Variants in UGT1A7 observed in about 807,000 individuals in gnomAD.
UGT1A7 encodes the protein UDP-glucuronosyltransferase 1A7.
Under a neutral mutation model 45.6 loss-of-function variants are expected in UGT1A7, and 33 were observed. That is an observed-to-expected ratio of 0.72 (90% CI 0.55 to 0.97). UGT1A7 has a LOEUF of 0.97. Among genes scored for constraint, UGT1A7 ranks in the 50% least tolerant of loss-of-function variants. The probability of loss-of-function intolerance (pLI) is 0.00; values close to 1 mark genes in which losing one functional copy is unlikely to be tolerated. For missense variants in UGT1A7, 684 were observed against 666.2 expected (o/e 1.03, Z -0.29); for synonymous variants, 274 against 250.6 (o/e 1.09, Z -0.88).
At chr2:233,727,258 C>T (rs899860562) in intron 1 of UGT1A7, among the ~76,000 whole-genome samples, 1 of 152,158 alleles carries the variant, frequency 6.6e-6, no homozygotes, top group African/African-American at 2.4e-5. Flanking sequence ...GCAGCCCAGA[C>T]CCCTCCTCAT....
chr2:233,733,332 C>T (rs1191516826), intron 1 of UGT1A7, among the ~76,000 whole-genome samples: 5 of 152,198 alleles, frequency 3.3e-5, no homozygotes, highest in East Asian at 1.9e-4. Context: ...CTGGCCAGAA[C>T]TTCCAACAGT....
chr2:233,719,636 C>G (rs1397748790), intron 1 of UGT1A7: 2 of 1,614,094 alleles, frequency 1.2e-6, no homozygotes, highest in Non-Finnish European at 1.7e-6. Context: ...TCATGCCCAA[C>G]ATGGTCTTCA....
At chr2:233,754,989 C>T (rs749655557) in intron 1 of UGT1A7, 7 of 1,296,678 alleles carry the variant, frequency 5.4e-6, no homozygotes, top group Admixed American at 1.9e-5. Context: ...GGCGGGGTCA[C>T]GGAAGCTGAA....
intron 1 of UGT1A7, among the ~76,000 whole-genome samples, chr2:233,737,953 A>C (rs1429614905): frequency 6.6e-6 from 1 of 152,112 alleles, no homozygotes; most frequent in East Asian, 1.9e-4. Context: ...GTTTCCCAAC[A>C]TGAGGTCACA....
chr2:233,769,603 GA>G lies in UGT1A7; in HGVS notation c.1295+1165del. 1 of 1,612,818 alleles carries G rather than the reference GA, an allele frequency of 6.2e-7. No individual in the cohort carries two copies. The highest frequency in any genetic ancestry group is 1.1e-5 in the South Asian group (1 of 91,040). On this transcript the variant is annotated intron_variant, in intron 4 of 4. Transcript: ENST00000373426. This position sits in a 1 kb window ranked among gnomAD's most constrained non-coding sequence, Gnocchi z 4.4. ...CAGATGAGAGGAGACGGAACACGGG[GA>G]CACACCAGCTTGAGCAAGGGACAAC...
chr2:233,702,766 T>C (rs898157603), intron 1 of UGT1A7, among the ~76,000 whole-genome samples: 6 of 152,248 alleles, frequency 3.9e-5, no homozygotes, highest in East Asian at 1.9e-4. Context: ...TATGTGTTAA[T>C]TGATTTGCAG....
Position 233,765,258 on chromosome 2 carries a change from A to G in UGT1A7, c.856-1776A>G, listed in dbSNP as rs28900400. On this transcript the variant is annotated intron_variant, in intron 1 of 4. Coordinates refer to ENST00000373426, the MANE Select transcript of UGT1A7 (RefSeq NM_019077.3). ...AGACTCAGTAATCCCATTACTGGGT[A>G]TATACCCAAAGAAATATAAATTATT... Among the ~76,000 whole-genome samples, 1,446 of 152,334 alleles carry G rather than the reference A, an allele frequency of 9.5e-3. 33 individuals carry two copies. Among genetic ancestry groups the G allele is most frequent in the African/African-American group, 0.033 (1,355 of 41,576 alleles).
In UGT1A7 at chr2:233,719,091, C is replaced by T. The variant is rs183802414; in HGVS notation, c.855+36299C>T. On this transcript the variant is annotated intron_variant, in intron 1 of 4. Coordinates refer to ENST00000373426, the MANE Select transcript of UGT1A7 (RefSeq NM_019077.3). ...TCCATGGACCCAGAAGGAATTTGATCGCGTTACGCTGGGCTACACTCAAGG... is the reference window on the plus strand; with the variant it reads ...TCCATGGACCCAGAAGGAATTTGATTGCGTTACGCTGGGCTACACTCAAGG... The T allele has an allele frequency of 3.7e-5, 60 of 1,614,254 alleles. No individual in the cohort carries two copies. The East Asian group carries it at 8.2e-4, about 22-fold the overall frequency.
At chr2:233,724,827 C>G (rs2077319542) in intron 1 of UGT1A7, among the ~76,000 whole-genome samples, 1 of 135,060 alleles carries the variant, frequency 7.4e-6, no homozygotes, top group Non-Finnish European at 1.6e-5. Context: ...AATCTCGGCA[C>G]TTTGGGAGGC....
chr2:233,709,539 A>G (rs537926734), intron 1 of UGT1A7, among the ~76,000 whole-genome samples: 8 of 152,276 alleles, frequency 5.3e-5, no homozygotes, highest in Non-Finnish European at 5.9e-5. Flanking sequence ...CTACTGTGAT[A>G]TATGTAAGTA....
chr2:233,772,230 T>C (rs1167373810), intron 4 of UGT1A7, 32 bp from the exon 5 acceptor site: 1 of 1,613,798 alleles, frequency 6.2e-7, no homozygotes. Flanking sequence ...CCACAGGTGT[T>C]CCAGGCATAA....
chr2:233,685,482 G>C (rs2125532234), intron 1 of UGT1A7, among the ~76,000 whole-genome samples: 1 of 152,290 alleles, frequency 6.6e-6, no homozygotes, highest in South Asian at 2.1e-4. Context: ...TGGAGAACTG[G>C]GACTGGGATG....
Position 233,729,503 on chromosome 2 carries a change from G to A in UGT1A7, c.856-37531G>A, listed in dbSNP as rs1346769357. 1.4e-5 allele frequency: 22 copies of A among 1,614,052 alleles called. No individual in the cohort carries two copies. Among genetic ancestry groups the A allele is most frequent in the Non-Finnish European group, 1.8e-5 (21 of 1,180,050 alleles). Reference sequence around the variant, plus strand: ...AACAATATGTCTTTGGTCTATCATAGGTCTTGTGTGGAGCTACTACATAAT... The same window carrying A: ...AACAATATGTCTTTGGTCTATCATAAGTCTTGTGTGGAGCTACTACATAAT... On this transcript the variant is annotated intron_variant, in intron 1 of 4. Coordinates refer to ENST00000373426, the MANE Select transcript of UGT1A7 (RefSeq NM_019077.3).
intron 1 of UGT1A7, chr2:233,690,641 C>T (rs1270518819): frequency 1.6e-6 from 2 of 1,287,710 alleles, no homozygotes; most frequent in Non-Finnish European, 2.0e-6. Flanking sequence ...CTGAGGACAC[C>T]TTGACTCCTA....
intron 1 of UGT1A7, among the ~76,000 whole-genome samples, chr2:233,711,736 A>T (rs2076194358): frequency 6.6e-6 from 1 of 152,220 alleles, no homozygotes; most frequent in Non-Finnish European, 1.5e-5. Context: ...GCAATGGCAG[A>T]CACGGCCAGG....
At chr2:233,743,662 G>A (rs34622615) in intron 1 of UGT1A7, 13 of 1,367,072 alleles carry the variant, frequency 9.5e-6, no homozygotes, top group African/African-American at 1.5e-5. Context: ...ACTCGAAGGG[G>A]TCCTCGAAGG....
chr2:233,718,985 C>T (rs45571233), intron 1 of UGT1A7: 1 of 1,614,226 alleles, frequency 6.2e-7, no homozygotes, highest in East Asian at 2.2e-5. Flanking sequence ...ATGCCAGAGG[C>T]CACCAGGCGG....
rs188436882 is a variant in UGT1A7, at chr2:233,767,775, A to G, written c.988-74A>G. ...TTCCTTCAGAGGACCCCTGTTTTCT[A>G]GTTAGTATAGCAGATTTGTTTTCTA... is the stretch of plus-strand genomic sequence containing the variant. On this transcript the variant is annotated intron_variant, in intron 2 of 4. Transcript: ENST00000373426. 16 of 1,612,270 alleles carry G rather than the reference A, an allele frequency of 9.9e-6. No individual in the cohort carries two copies. In the East Asian group the frequency reaches 3.1e-4, roughly 31 times the overall value.
At chr2:233,743,902 G>A (rs770691045) in intron 1 of UGT1A7, 7 of 1,366,518 alleles carry the variant, frequency 5.1e-6, no homozygotes, top group South Asian at 1.1e-5. Context: ...CCAGCACCTC[G>A]TAGTAGTCCA....
Sources: gnomAD v4.1 joint callset for allele counts (sites outside exome capture counted in the v4.1 genomes callset) on GRCh38, gnomAD v4.1.1 for gene constraint, Gnocchi (gnomAD v3.1) non-coding constraint, MANE v1.5 for transcripts, NCBI Gene and HGNC (gene_info 2026-07-23, HGNC 2026-07-21) for gene names.